The following YIPF4 variants were observed in gnomAD, a reference collection of about 807,000 sequenced individuals.
The protein encoded by YIPF4 is protein YIPF4.
In YIPF4, 18 loss-of-function variants were observed where a neutral mutation model predicts 29.4. The ratio of observed to expected loss-of-function variants is 0.61; its 90% CI spans 0.42 to 0.91. The LOEUF (loss-of-function observed/expected upper bound fraction) is 0.91. Ranked by LOEUF, YIPF4 falls within the 40% of genes least tolerant of loss-of-function variation. The pLI is 0.00. For synonymous variants in YIPF4, 115 were observed against 104.7 expected (o/e 1.10, Z -0.60); for missense variants, 279 against 282.7 (o/e 0.99, Z 0.09).
At chr2:32,293,535 C>T (rs1208712695) in intron 3 of YIPF4, among the ~76,000 whole-genome samples, 1 of 152,256 alleles carries the variant, frequency 6.6e-6, no homozygotes, top group African/African-American at 2.4e-5. Context: ...AATCTTTTCC[C>T]CACCTTTCCC....
In YIPF4 at chr2:32,309,765, T is replaced by A. The variant is rs1191517433; in HGVS notation, c.*4139T>A. The stretch of plus-strand genomic sequence containing the variant: ...AGTGTGTGGCGCAATCTCAGCTCAC[T>A]GCAACCTCTGATTCCTGGGTTCAAG... On this transcript the variant is annotated 3_prime_UTR_variant, in exon 6 of 6. Coordinates refer to ENST00000238831, the MANE Select transcript of YIPF4 (RefSeq NM_032312.4). 1 of 146,878 alleles carries A rather than the reference T, an allele frequency of 6.8e-6. No individual in the cohort carries two copies. Among genetic ancestry groups the A allele is most frequent in the East Asian group, 2.1e-4 (1 of 4,674 alleles). 9.1% of individuals were successfully genotyped at this position (146,878 alleles called of 1,614,324 possible).
At chr2:32,290,050 T>A (rs547984042) in intron 1 of YIPF4, among the ~76,000 whole-genome samples, 2 of 152,158 alleles carry the variant, frequency 1.3e-5, no homozygotes, top group Non-Finnish European at 2.9e-5. Flanking sequence ...GTAAATAAAT[T>A]GTCTAATAGT....
At position 32,312,271 on chromosome 2, in the gene YIPF4, G is replaced by C. The variant is rs949418691; in HGVS notation, c.*6645G>C. The C allele has an allele frequency of 2.0e-5, 3 of 151,778 alleles. No individual in the cohort carries two copies. Among genetic ancestry groups the C allele is most frequent in the African/African-American group, 7.2e-5 (3 of 41,396 alleles). 9.4% of individuals were successfully genotyped at this position (151,778 alleles called of 1,614,324 possible). A position where few individuals can be genotyped will look rare whatever the true frequency, so the allele number is the denominator to read the frequency against. ...TGGGAGGCCGAGGTGGGCGGACCAC[G>C]AGGTCAGGAGATCGAGACCATCCTG... On this transcript the variant is annotated 3_prime_UTR_variant, in exon 6 of 6. Transcript: ENST00000238831.
At chr2:32,298,993 T>C (rs1298919719) in intron 4 of YIPF4, among the ~76,000 whole-genome samples, 2 of 152,082 alleles carry the variant, frequency 1.3e-5, no homozygotes, top group African/African-American at 2.4e-5. Flanking sequence ...TTCTCCTGCC[T>C]TAGCCTCCCG....
In YIPF4 at chr2:32,312,188, C is replaced by T. The variant is rs2031727066; in HGVS notation, c.*6562C>T. On this transcript the variant is annotated 3_prime_UTR_variant, in exon 6 of 6. Transcript: ENST00000238831. ...AATGGTACTTAATAAAATCTTTTAC[C>T]TTATAAAAATCTATTTTCGGCCAGG... 1 of 151,908 alleles carries T rather than the reference C, an allele frequency of 6.6e-6. No homozygotes were observed. The highest frequency in any genetic ancestry group is 2.4e-5 in the African/African-American group (1 of 41,336). 9.4% of individuals were successfully genotyped at this position (151,908 alleles called of 1,614,324 possible).
In YIPF4 at chr2:32,277,993, C is replaced by G. The variant is rs1383590315; in HGVS notation, c.-163C>G. ...CTTTGGTGGGGTAGTCTCGGGGCAG[C>G]TCAGCGGCCCGCTGTGCCCGTTTCT... On this transcript the variant is annotated 5_prime_UTR_variant, in exon 1 of 6. Coordinates refer to ENST00000238831, the MANE Select transcript of YIPF4 (RefSeq NM_032312.4). 1.7e-6 allele frequency: 1 copy of G among 596,584 alleles called. No individual in the cohort carries two copies. Among genetic ancestry groups the G allele is most frequent in the African/African-American group, 2.0e-5 (1 of 50,088 alleles). The allele number at this position is 596,584 out of a possible 1,614,324, so 37.0% of individuals were successfully genotyped here. A position where few individuals can be genotyped will look rare whatever the true frequency, so the allele number is the denominator to read the frequency against.
Position 32,307,032 on chromosome 2 carries a change from C to T in YIPF4, c.*1406C>T, listed in dbSNP as rs1320886310. 8 of 1,016,588 alleles carry T rather than the reference C, an allele frequency of 7.9e-6. No homozygotes were observed. Among genetic ancestry groups the T allele is most frequent in the Non-Finnish European group, 1.0e-5 (8 of 763,402 alleles). 63.0% of individuals were successfully genotyped at this position (1,016,588 alleles called of 1,614,324 possible). A position where few individuals can be genotyped will look rare whatever the true frequency, so the allele number is the denominator to read the frequency against. On this transcript the variant is annotated 3_prime_UTR_variant, in exon 6 of 6. Transcript: ENST00000238831. The stretch of plus-strand genomic sequence containing the variant: ...AGAAAGAAAAACTTATTTTAAGCTG[C>T]AGAAAAAGTGTGGAGCACTTTTGAG...
At position 32,307,949 on chromosome 2, in the gene YIPF4, A is replaced by C. The variant is rs939019562; in HGVS notation, c.*2323A>C. On this transcript the variant is annotated 3_prime_UTR_variant, in exon 6 of 6. Coordinates refer to ENST00000238831, the MANE Select transcript of YIPF4 (RefSeq NM_032312.4). ...CTCTCAAAAAAAAAAAAAAAAAAAA[A>C]AAAAACCATGATTTGTAGATGTGTG... 4.0e-5 allele frequency: 6 copies of C among 151,586 alleles called. No individual in the cohort carries two copies. Among genetic ancestry groups the C allele is most frequent in the East Asian group, 1.9e-4 (1 of 5,170 alleles). The allele number at this position is 151,586 out of a possible 1,614,324, so 9.4% of individuals were successfully genotyped here.
chr2:32,296,195 CAGA>C (rs1199536747), intron 3 of YIPF4, among the ~76,000 whole-genome samples: 1 of 152,096 alleles, frequency 6.6e-6, no homozygotes, highest in East Asian at 1.9e-4. Context: ...AGGTTAAAAA[CAGA>C]AGATTACGGC....
Position 32,278,176 on chromosome 2 carries a change from C to A in YIPF4, c.21C>A (p.Pro7=). ...GCGAGATGCAGCCTCCGGGCCCGCC[C>A]CCGGCCTATGCCCCCACTAACGGGG... MQPPGP[P]PAYAPTNGDF... The change falls in exon 1 of 6, where the codon CCC becomes CCA. Residue 7 remains proline (P), a synonymous_variant. Transcript: ENST00000238831. 1.3e-6 allele frequency: 2 copies of A among 1,570,484 alleles called. No individual in the cohort carries two copies. The highest frequency in any genetic ancestry group is 4.7e-5 in the East Asian group (2 of 42,154).
intron 5 of YIPF4, among the ~76,000 whole-genome samples, chr2:32,303,584 G>A (rs2031478632): frequency 6.6e-6 from 1 of 152,164 alleles, no homozygotes. Context: ...TACTCAGGAG[G>A]CTGAGATGGG....
chr2:32,282,732 A>T (rs2030483697), intron 1 of YIPF4, among the ~76,000 whole-genome samples: 2 of 151,764 alleles, frequency 1.3e-5, no homozygotes, highest in Admixed American at 1.3e-4. Flanking sequence ...GTGCCCCGCC[A>T]ACTTACCCTT....
chr2:32,290,371 T>C, intron 1 of YIPF4, 112 bp from the exon 2 acceptor site: 1 of 732,306 alleles, frequency 1.4e-6, no homozygotes, highest in Non-Finnish European at 2.0e-6. Context: ...CAATAGCAGA[T>C]GTTCTTAGAG....
At chr2:32,280,177 G>C (rs1279936392) in intron 1 of YIPF4, among the ~76,000 whole-genome samples, 1 of 151,568 alleles carries the variant, frequency 6.6e-6, no homozygotes, top group East Asian at 1.9e-4. Context: ...ACCCAGGCTG[G>C]AGTGCAGTGG....
rs2031701742 is a variant in YIPF4 at position 32,310,703 on chromosome 2, A to AC, written c.*5081dup. On this transcript the variant is annotated 3_prime_UTR_variant, in exon 6 of 6. Coordinates refer to ENST00000238831, the MANE Select transcript of YIPF4 (RefSeq NM_032312.4). ...AAATCAGCCTGGTCGACGTAGTGAGACCCCATCTCTACAAAAGAAAAATTA... is the reference window on the plus strand; with the variant it reads ...AAATCAGCCTGGTCGACGTAGTGAGACCCCCATCTCTACAAAAGAAAAATTA... The AC allele has an allele frequency of 1.3e-5, 2 of 151,994 alleles. No individual in the cohort carries two copies. Among genetic ancestry groups the AC allele is most frequent in the East Asian group, 3.9e-4 (2 of 5,168 alleles). The allele number at this position is 151,994 out of a possible 1,614,324, so 9.4% of individuals were successfully genotyped here.
In YIPF4 at chr2:32,305,766, A is replaced by G. The variant is rs1002292060; in HGVS notation, c.*140A>G. The G allele has an allele frequency of 3.2e-6, 4 of 1,252,336 alleles. No homozygotes were observed. In the African/African-American group the frequency reaches 4.6e-5, roughly 15 times the overall value. The allele number at this position is 1,252,336 out of a possible 1,614,324, so 77.6% of individuals were successfully genotyped here. On this transcript the variant is annotated 3_prime_UTR_variant, in exon 6 of 6. Transcript: ENST00000238831. ...GAAAGGGAAGTCTAAGCGCTTTTTA[A>G]AACAATTTTTTTTTGTATTTAATTA...
At chr2:32,290,843 A>T (rs1486518448) in intron 2 of YIPF4, 3 of 261,066 alleles carry the variant, frequency 1.1e-5, no homozygotes, top group Admixed American at 1.1e-4. Context: ...AAAGAATGGT[A>T]ATCCTGTATC....
intron 1 of YIPF4, among the ~76,000 whole-genome samples, chr2:32,279,696 A>T (rs2030302056): frequency 6.6e-6 from 1 of 151,690 alleles, no homozygotes; most frequent in Non-Finnish European, 1.5e-5. Flanking sequence ...GGCGTGAGCC[A>T]CCGCGCCCGG....
rs35036420 is a variant in YIPF4, at chr2:32,279,394, CTTTTTTTTT to C, written c.79+1173_79+1181del. Among the ~76,000 whole-genome samples, 11 of 98,754 alleles carry C rather than the reference CTTTTTTTTT, an allele frequency of 1.1e-4. No individual in the cohort carries two copies. The East Asian group carries it at 2.0e-3, about 18-fold the overall frequency. 64.8% of individuals were successfully genotyped at this position (98,754 alleles called of 152,430 possible). ...AGTCTGAGAAAGAACCTAGATTTTCCTTTTTTTTTTTTTTTTTTTTTGAGACTGAGTCTC... is the reference window on the plus strand; with the variant it reads ...AGTCTGAGAAAGAACCTAGATTTTCCTTTTTTTTTTTTGAGACTGAGTCTC... On this transcript the variant is annotated intron_variant, in intron 1 of 5. Coordinates refer to ENST00000238831, the MANE Select transcript of YIPF4 (RefSeq NM_032312.4).
Sources: gnomAD v4.1 joint callset for allele counts (sites outside exome capture counted in the v4.1 genomes callset) on GRCh38, gnomAD v4.1.1 for gene constraint, MANE v1.5 for transcripts, NCBI Gene and HGNC (gene_info 2026-07-23, HGNC 2026-07-21) for gene names.